Variants in RUNX2 observed in about 807,000 individuals in gnomAD.
The protein encoded by RUNX2 is runt-related transcription factor 2.
RUNX2 carries 10 observed loss-of-function variants against 51.7 expected under a neutral mutation model. The ratio of observed to expected loss-of-function variants is 0.19; its 90% CI spans 0.12 to 0.33. RUNX2 has a LOEUF of 0.33. Ranked by LOEUF, RUNX2 falls within the 10% of genes least tolerant of loss-of-function variation. RUNX2 has a pLI of 1.00. For missense variants in RUNX2, 562 were observed against 691.3 expected (o/e 0.81, Z 2.10); for synonymous variants, 276 against 273.6 (o/e 1.01, Z -0.09).
rs769224159 is a variant in RUNX2, at chr6:45,422,879, C to T, written c.345C>T (p.Arg115=). 1 of 1,612,684 alleles carries T rather than the reference C, an allele frequency of 6.2e-7. No individual in the cohort carries two copies. The highest frequency in any genetic ancestry group is 8.5e-7 in the Non-Finnish European group (1 of 1,179,648). ...IIADHPAELV[R]TDSPNFLCSV... ...CCGACCACCCGGCCGAACTCGTCCG[C>T]ACCGACAGCCCCAACTTCCTGTGCT... The change falls in exon 3 of 9, where the codon CGC becomes CGT. Residue 115 remains arginine, a synonymous_variant. Coordinates refer to ENST00000647337, the MANE Select transcript of RUNX2 (RefSeq NM_001024630.4).
At chr6:45,497,340 C>G (rs1800676204) in intron 6 of RUNX2, among the ~76,000 whole-genome samples, 1 of 152,086 alleles carries the variant, frequency 6.6e-6, no homozygotes, top group African/African-American at 2.4e-5. Context: ...GGTTCAGACC[C>G]CTATTTGCCC....
intron 5 of RUNX2, among the ~76,000 whole-genome samples, chr6:45,483,170 A>G (rs1800163804): frequency 6.6e-6 from 1 of 152,196 alleles, no homozygotes; most frequent in Non-Finnish European, 1.5e-5. Context: ...AGCGGCTCAA[A>G]GGGCTAGAGG....
intron 5 of RUNX2, among the ~76,000 whole-genome samples, chr6:45,453,165 A>C (rs1799223326): frequency 1.3e-5 from 2 of 152,182 alleles, no homozygotes; most frequent in South Asian, 4.1e-4. Context: ...TAAAAGCTAC[A>C]GCTGTCTCTT....
intron 5 of RUNX2, among the ~76,000 whole-genome samples, chr6:45,465,668 A>T: frequency 6.8e-6 from 1 of 147,148 alleles, no homozygotes; most frequent in African/African-American, 2.5e-5. Flanking sequence ...TTTAGACAAG[A>T]TCTCATTTCA....
At chr6:45,405,237 T>C (rs1012858154) in intron 2 of RUNX2, among the ~76,000 whole-genome samples, 3 of 152,264 alleles carry the variant, frequency 2.0e-5, no homozygotes. Flanking sequence ...ATTCCTCTTA[T>C]AAAGTTACAT....
intron 7 of RUNX2, among the ~76,000 whole-genome samples, chr6:45,520,402 T>C (rs1801469432): frequency 6.6e-6 from 1 of 152,230 alleles, no homozygotes; most frequent in South Asian, 2.1e-4. Flanking sequence ...TTGGTGGTCA[T>C]GCATACCAAT....
chr6:45,472,512 G>C (rs1799833619), intron 5 of RUNX2, among the ~76,000 whole-genome samples: 1 of 152,204 alleles, frequency 6.6e-6, no homozygotes. Flanking sequence ...ACTGAACCCA[G>C]ATGCCCAGCT....
chr6:45,382,377 T>A (rs984637399), intron 2 of RUNX2, among the ~76,000 whole-genome samples: 5 of 152,142 alleles, frequency 3.3e-5, no homozygotes, highest in Non-Finnish European at 7.3e-5. Flanking sequence ...TCAAAAAAGT[T>A]TATACAGGAA....
intron 2 of RUNX2, among the ~76,000 whole-genome samples, chr6:45,407,302 G>A (rs892408144): frequency 3.3e-5 from 5 of 151,718 alleles, no homozygotes; most frequent in African/African-American, 7.3e-5. Context: ...CACCTGCCTC[G>A]GTCTCCCAAA....
At chr6:45,518,999 G>A (rs1801418059) in intron 7 of RUNX2, among the ~76,000 whole-genome samples, 1 of 152,076 alleles carries the variant, frequency 6.6e-6, no homozygotes, top group African/African-American at 2.4e-5. Context: ...TTAATTTATT[G>A]TGCCTCAGTG....
chr6:45,371,833 A>T, intron 2 of RUNX2: 1 of 984,434 alleles, frequency 1.0e-6, no homozygotes, highest in Non-Finnish European at 1.2e-6. Flanking sequence ...ATCTGAGCAG[A>T]CTTCAGAACT....
In RUNX2 at chr6:45,548,041, C is replaced by A. The variant is rs1198370273; in HGVS notation, c.*736C>A. The A allele has an allele frequency of 6.6e-6, 1 of 152,578 alleles. No individual in the cohort carries two copies. The highest frequency in any genetic ancestry group is 1.5e-5 in the Non-Finnish European group (1 of 68,102). The allele number at this position is 152,578 out of a possible 1,614,324, so 9.5% of individuals were successfully genotyped here. A position where few individuals can be genotyped will look rare whatever the true frequency, so the allele number is the denominator to read the frequency against. Reference sequence around the variant, plus strand: ...ATCCCATCCCTAAAACCTGCCTTCTCCTTTTATGCAAAACTGAAAATGGCA... The same window carrying A: ...ATCCCATCCCTAAAACCTGCCTTCTACTTTTATGCAAAACTGAAAATGGCA... On this transcript the variant is annotated 3_prime_UTR_variant, in exon 9 of 9. Coordinates refer to ENST00000647337, the MANE Select transcript of RUNX2 (RefSeq NM_001024630.4).
intron 2 of RUNX2, among the ~76,000 whole-genome samples, chr6:45,364,893 T>C (rs1255503547): frequency 1.3e-5 from 2 of 152,174 alleles, no homozygotes; most frequent in Non-Finnish European, 2.9e-5. Context: ...TAAACTAGAA[T>C]AGAAATAAAC....
chr6:45,357,290 A>G (rs966357273), intron 2 of RUNX2, among the ~76,000 whole-genome samples: 10 of 152,078 alleles, frequency 6.6e-5, no homozygotes, highest in African/African-American at 2.4e-4. Flanking sequence ...TATAGGCGTG[A>G]GCCACTGTGC....
intron 6 of RUNX2, among the ~76,000 whole-genome samples, chr6:45,494,847 G>A (rs1449016305): frequency 6.6e-6 from 1 of 152,182 alleles, no homozygotes; most frequent in Non-Finnish European, 1.5e-5. Flanking sequence ...GTAGCAAACT[G>A]GGTGTTAGGT....
At chr6:45,405,963 T>C (rs1198986558) in intron 2 of RUNX2, among the ~76,000 whole-genome samples, 1 of 152,246 alleles carries the variant, frequency 6.6e-6, no homozygotes, top group African/African-American at 2.4e-5. Flanking sequence ...TTATATTACC[T>C]ATTTCATACA....
At chr6:45,336,848 T>C (rs1213497253) in intron 2 of RUNX2, among the ~76,000 whole-genome samples, 2 of 151,574 alleles carry the variant, frequency 1.3e-5, no homozygotes, top group Non-Finnish European at 1.5e-5. Context: ...TTCAAATACA[T>C]GGTCAATTCA....
intron 5 of RUNX2, among the ~76,000 whole-genome samples, chr6:45,461,655 C>T (rs1008039733): frequency 1.3e-5 from 2 of 152,074 alleles, no homozygotes; most frequent in Non-Finnish European, 2.9e-5. Context: ...CTAGTCTGGG[C>T]ACTCTTCTAA....
chr6:45,530,154 A>G (rs1476953797), intron 7 of RUNX2, among the ~76,000 whole-genome samples: 1 of 152,222 alleles, frequency 6.6e-6, no homozygotes, highest in African/African-American at 2.4e-5. Flanking sequence ...ACTTTACCAC[A>G]TTCCCTGGTA....
Sources: allele counts gnomAD v4.1 joint callset (sites outside exome capture counted in the v4.1 genomes callset), GRCh38; gene constraint gnomAD v4.1.1; transcripts MANE v1.5; gene names NCBI Gene and HGNC (gene_info 2026-07-23, HGNC 2026-07-21).